The following LMAN2L variants were observed in gnomAD, a reference collection of about 807,000 sequenced individuals.
LMAN2L encodes lectin, mannose binding 2 like, also known as VIP36-like protein.
Under a neutral mutation model 44.3 loss-of-function variants are expected in LMAN2L, and 30 were observed. The observed-to-expected ratio is 0.68, with a 90% CI of 0.51 to 0.92. The LOEUF (loss-of-function observed/expected upper bound fraction) is 0.92. Ranked by LOEUF, LMAN2L falls within the 40% of genes least tolerant of loss-of-function variation. The pLI, the probability that LMAN2L is intolerant of heterozygous loss-of-function variation, is 0.00. For synonymous variants in LMAN2L, 183 were observed against 171.1 expected, an observed-to-expected ratio of 1.07 and a Z score of -0.54; for missense variants, 429 against 446.1, an observed-to-expected ratio of 0.96 and a Z score of 0.35.
At chr2:96,736,599 A>G (rs2078521025) in intron 2 of LMAN2L, among the ~76,000 whole-genome samples, 1 of 152,350 alleles carries the variant, frequency 6.6e-6, no homozygotes, top group South Asian at 2.1e-4. Flanking sequence ...GTGTAATAAC[A>G]TAACACATAT....
intron 4 of LMAN2L, among the ~76,000 whole-genome samples, chr2:96,723,290 C>A (rs2078197974): frequency 6.6e-6 from 1 of 152,172 alleles, no homozygotes. Flanking sequence ...TCCCTGATGG[C>A]TGATGATGCT....
intron 4 of LMAN2L, among the ~76,000 whole-genome samples, chr2:96,713,301 C>T (rs2077968290): frequency 6.6e-6 from 1 of 152,172 alleles, no homozygotes. Context: ...GAAGGGCATC[C>T]GTGAAGTCTT....
At chr2:96,728,229 T>C in intron 4 of LMAN2L, among the ~76,000 whole-genome samples, 1 of 152,198 alleles carries the variant, frequency 6.6e-6, no homozygotes, top group African/African-American at 2.4e-5. Context: ...GGCTCACGCC[T>C]GTAATCCCAG....
At chr2:96,729,054 C>A (rs1182910933) in intron 4 of LMAN2L, among the ~76,000 whole-genome samples, 3 of 150,946 alleles carry the variant, frequency 2.0e-5, no homozygotes, top group African/African-American at 7.3e-5. Flanking sequence ...TACTTGTAGT[C>A]CCAGCTACTC....
At position 96,732,874 on chromosome 2, in the gene LMAN2L, G is replaced by T. The variant is rs539194772; in HGVS notation, c.507+645C>A. On this transcript the variant is annotated intron_variant, in intron 4 of 7. Transcript: ENST00000264963. ...TGTGATTCTCTTGCCTCAGCCTCCCGAGTAGGTGGGATTACAGGCACCCAC... is the reference window on the plus strand; with the variant it reads ...TGTGATTCTCTTGCCTCAGCCTCCCTAGTAGGTGGGATTACAGGCACCCAC... Among the ~76,000 whole-genome samples the T allele has an allele frequency of 3.3e-5, 5 of 149,354 alleles. No individual in the cohort carries two copies. The East Asian group carries it at 1.0e-3, about 30-fold the overall frequency.
At chr2:96,721,555 T>G (rs935476095) in intron 4 of LMAN2L, among the ~76,000 whole-genome samples, 2 of 151,936 alleles carry the variant, frequency 1.3e-5, no homozygotes, top group African/African-American at 4.8e-5. Flanking sequence ...CAGGCTACAG[T>G]GCAGTGGCAA....
intron 4 of LMAN2L, among the ~76,000 whole-genome samples, chr2:96,721,326 C>CTTTTTTT (rs56023035): frequency 1.2e-4 from 10 of 84,592 alleles, no homozygotes; most frequent in African/African-American, 2.0e-4. Context: ...TTCTTTCAGT[C>CTTTTTTT]TTTTTTTTTT....
In LMAN2L at chr2:96,707,387, G is replaced by A; in HGVS notation, c.916C>T (p.Leu306=). ...AGGGCCAGGCCACTCAGGGGCGGCA[G>A]TGGAGCTGTCACTGAGGAAGCAAGA... ...NMKLPEMTAP[L]PPLSGLALFL... The change falls in exon 8 of 8, where the codon CTG becomes TTG. Residue 306 remains leucine, a synonymous_variant. Coordinates refer to ENST00000264963, the MANE Select transcript of LMAN2L (RefSeq NM_030805.4). 6.2e-7 allele frequency: 1 copy of A among 1,611,926 alleles called. No homozygotes were observed. The highest frequency in any genetic ancestry group is 8.5e-7 in the Non-Finnish European group (1 of 1,179,008).
chr2:96,733,747 C>T, intron 3 of LMAN2L, 146 bp from the exon 4 acceptor site: 1 of 643,244 alleles, frequency 1.6e-6, no homozygotes, highest in Non-Finnish European at 2.7e-6. Flanking sequence ...TAAAAGTACC[C>T]AGCAAAGTGC....
At chr2:96,735,538 A>C (rs1006410871) in intron 2 of LMAN2L, among the ~76,000 whole-genome samples, 1 of 152,120 alleles carries the variant, frequency 6.6e-6, no homozygotes, top group African/African-American at 2.4e-5. Context: ...CTGCTGTTTC[A>C]TTACGATTTC....
At chr2:96,716,620 C>T (rs998038267) in intron 4 of LMAN2L, among the ~76,000 whole-genome samples, 2 of 152,190 alleles carry the variant, frequency 1.3e-5, no homozygotes, top group Admixed American at 6.5e-5. Flanking sequence ...TTAGTCTGTG[C>T]CAGGCACTGA....
intron 6 of LMAN2L, among the ~76,000 whole-genome samples, chr2:96,709,252 C>G (rs1004139629): frequency 2.6e-5 from 4 of 152,154 alleles, no homozygotes; most frequent in Admixed American, 1.3e-4. Flanking sequence ...GCTCAACTCA[C>G]CTGTCTTTGT....
At position 96,707,011 on chromosome 2, in the gene LMAN2L, C is replaced by A; in HGVS notation, c.*245G>T. ...ACACCTCTGCTCCCACATGGAAGGA[C>A]TGCAGGGAAAGGCACATCACAGCAG... On this transcript the variant is annotated 3_prime_UTR_variant, in exon 8 of 8. Transcript: ENST00000264963. 2.9e-6 allele frequency: 1 copy of A among 345,486 alleles called. No individual in the cohort carries two copies. Among genetic ancestry groups the A allele is most frequent in the East Asian group, 4.8e-5 (1 of 20,956 alleles). The allele number at this position is 345,486 out of a possible 1,614,324, so 21.4% of individuals were successfully genotyped here. A position where few individuals can be genotyped will look rare whatever the true frequency, so the allele number is the denominator to read the frequency against.
At chr2:96,732,969 G>A (rs77136282) in intron 4 of LMAN2L, among the ~76,000 whole-genome samples, 3 of 151,956 alleles carry the variant, frequency 2.0e-5, no homozygotes, top group Middle Eastern at 6.8e-3. Context: ...AGCTGGTCTC[G>A]AACTCCTGAC....
chr2:96,716,837 T>C (rs1425052594), intron 4 of LMAN2L, among the ~76,000 whole-genome samples: 2 of 152,194 alleles, frequency 1.3e-5, no homozygotes, highest in African/African-American at 2.4e-5. Context: ...TGGAAAAATG[T>C]TTCATATGTA....
At chr2:96,712,575 TA>T (rs1348693263) in intron 4 of LMAN2L, among the ~76,000 whole-genome samples, 3 of 152,210 alleles carry the variant, frequency 2.0e-5, no homozygotes, top group African/African-American at 7.2e-5. Flanking sequence ...TATAAGCATA[TA>T]AGGCTAAATG....
chr2:96,737,142 T>C (rs1019400435), intron 2 of LMAN2L: 2 of 456,308 alleles, frequency 4.4e-6, no homozygotes, highest in East Asian at 1.4e-4. Context: ...CTTACACTTG[T>C]ACAAAATCAC....
At chr2:96,715,303 C>T (rs2078018171) in intron 4 of LMAN2L, among the ~76,000 whole-genome samples, 2 of 152,234 alleles carry the variant, frequency 1.3e-5, no homozygotes, top group African/African-American at 4.8e-5. Context: ...AGAAACGCTG[C>T]ACCAGACAGG....
At chr2:96,713,313 G>GCA (rs2077968638) in intron 4 of LMAN2L, among the ~76,000 whole-genome samples, 1 of 152,180 alleles carries the variant, frequency 6.6e-6, no homozygotes, top group South Asian at 2.1e-4. Context: ...TGAAGTCTTT[G>GCA]CACCCTCAAG....
Sources: gnomAD v4.1 joint callset for allele counts (sites outside exome capture counted in the v4.1 genomes callset) on GRCh38, gnomAD v4.1.1 for gene constraint, MANE v1.5 for transcripts, NCBI Gene and HGNC (gene_info 2026-07-23, HGNC 2026-07-21) for gene names.